The following NMD3 variants were observed in gnomAD, a reference collection of about 807,000 sequenced individuals.
NMD3 encodes NMD3 ribosome export adaptor.
NMD3 carries 47 observed loss-of-function variants against 73.1 expected under a neutral mutation model. That is an observed-to-expected ratio of 0.64 (90% CI 0.51 to 0.82). The LOEUF is 0.82. Among genes scored for constraint, NMD3 ranks in the 40% least tolerant of loss-of-function variants. The pLI, the probability that NMD3 is intolerant of heterozygous loss-of-function variation, is 0.00. For synonymous variants in NMD3, 210 were observed against 194.5 expected, an observed-to-expected ratio of 1.08 and a Z score of -0.66; for missense variants, 554 against 612.5, an observed-to-expected ratio of 0.90 and a Z score of 1.01.
intron 5 of NMD3, among the ~76,000 whole-genome samples, chr3:161,233,753 C>A (rs1736630890): frequency 6.6e-6 from 1 of 152,182 alleles, no homozygotes; most frequent in Non-Finnish European, 1.5e-5. Flanking sequence ...TCAAACTTGG[C>A]TGATCATTGT....
intron 3 of NMD3, among the ~76,000 whole-genome samples, chr3:161,225,593 T>G (rs2108074718): frequency 6.6e-6 from 1 of 152,340 alleles, no homozygotes; most frequent in African/African-American, 2.4e-5. Flanking sequence ...TTCTGAATGT[T>G]AATGTTTCAT....
rs546103707 is a variant in NMD3 at position 161,221,317 on chromosome 3, G to A, written c.-113G>A. ...ATTTCGCTCGCGAGATCTTCTCTGT[G>A]GCGGAGACAGCCAGGTTGGCAGCTG... On this transcript the variant is annotated 5_prime_UTR_variant, in exon 1 of 16. Coordinates refer to ENST00000351193, the MANE Select transcript of NMD3 (RefSeq NM_015938.5). 2.6e-5 allele frequency: 4 copies of A among 152,506 alleles called. No homozygotes were observed. Among genetic ancestry groups the A allele is most frequent in the African/African-American group, 9.6e-5 (4 of 41,590 alleles). 9.4% of individuals were successfully genotyped at this position (152,506 alleles called of 1,614,324 possible).
At chr3:161,235,706 C>T (rs1736730155) in intron 7 of NMD3, among the ~76,000 whole-genome samples, 1 of 152,088 alleles carries the variant, frequency 6.6e-6, no homozygotes, top group Non-Finnish European at 1.5e-5. Flanking sequence ...GACGTCTTTT[C>T]AGTTTCTTTT....
chr3:161,242,453 G>C lies in NMD3; in HGVS notation c.872-55G>C, dbSNP rs1737025279. 18 of 1,506,058 alleles carry C rather than the reference G, an allele frequency of 1.2e-5. No homozygotes were observed. The Admixed American group carries it at 3.1e-4, about 26-fold the overall frequency. The allele number at this position is 1,506,058 out of a possible 1,614,324, so 93.3% of individuals were successfully genotyped here. ...CAGTTTATTCTTAGTTAATACATTT[G>C]ATAATTGAAATATATAATTTTTCTT... On this transcript the variant is annotated intron_variant, in intron 10 of 15. Coordinates refer to ENST00000351193, the MANE Select transcript of NMD3 (RefSeq NM_015938.5).
In NMD3 at chr3:161,242,541, A is replaced by G; in HGVS notation, c.905A>G (p.His302Arg). Residue 302 changes from histidine (H) to arginine (R), a missense_variant, in exon 11 of 16, where the codon CAC becomes CGC. Transcript: ENST00000351193. ...ATTGATGGGAGCACTTTCTGGAGTC[A>G]CCCTTTCAATAGTTTATGTCATCCC... The part of the protein sequence containing the change: ...ADIDGSTFWS[H>R]PFNSLCHPKQ... 6.2e-7 allele frequency: 1 copy of G among 1,613,454 alleles called. No individual in the cohort carries two copies. The highest frequency in any genetic ancestry group is 8.5e-7 in the Non-Finnish European group (1 of 1,179,584).
intron 11 of NMD3, among the ~76,000 whole-genome samples, chr3:161,243,829 CATAGTG>C (rs1238107895): frequency 6.7e-6 from 1 of 149,450 alleles, no homozygotes; most frequent in East Asian, 2.0e-4. Flanking sequence ...CACTTGTTAA[CATAGTG>C]ATAGTCAGAT....
At position 161,238,773 on chromosome 3, in the gene NMD3, A is replaced by T; in HGVS notation, c.700A>T (p.Asn234Tyr). 1 of 1,579,178 alleles carries T rather than the reference A, an allele frequency of 6.3e-7. No individual in the cohort carries two copies. Among genetic ancestry groups the T allele is most frequent in the Non-Finnish European group, 8.6e-7 (1 of 1,158,386 alleles). Reference protein sequence around the residue: ...QRLISQDIHSNTYNYKSTFSV... With the variant: ...QRLISQDIHSYTYNYKSTFSV... ...ACTGATCTCTCAAGATATCCATAGT[A>T]ACACATACAATTACAAAAGCACTTT... The change falls in exon 9 of 16, where the codon AAC becomes TAC. Residue 234 changes from asparagine (N) to tyrosine (Y), a missense_variant. Asn to Tyr is a moderately radical substitution (Grantham distance 143, BLOSUM62 -2). Coordinates refer to ENST00000351193, the MANE Select transcript of NMD3 (RefSeq NM_015938.5).
downstream of NMD3, chr3:161,253,513 A>C (rs547742570): frequency 6.6e-6 from 1 of 152,212 alleles, no homozygotes; most frequent in African/African-American, 2.4e-5. Flanking sequence ...TCAACATTTA[A>C]GAGTAAAATG....
intron 15 of NMD3, 80 bp downstream of exon 15, chr3:161,250,406 C>T (rs1054037886): frequency 1.8e-5 from 14 of 797,550 alleles, no homozygotes; most frequent in Non-Finnish European, 2.8e-5. Flanking sequence ...GTATCTTAAG[C>T]TTTGATTCTC....
chr3:161,246,048 T>A (rs1737188511), intron 11 of NMD3, among the ~76,000 whole-genome samples: 2 of 152,244 alleles, frequency 1.3e-5, no homozygotes, highest in Middle Eastern at 6.8e-3. Flanking sequence ...TTTTGAAAAT[T>A]CTACATATAT....
At chr3:161,238,325 ATATTGGGTTAAC>A in intron 8 of NMD3, 134 bp downstream of exon 8, 2 of 663,558 alleles carry the variant, frequency 3.0e-6, no homozygotes, top group South Asian at 4.1e-5. Flanking sequence ...CAGGAAGCAT[ATATTGGGTTAAC>A]CACCCACTCA....
At chr3:161,247,234 A>C (rs1737249804) in intron 12 of NMD3, 24 bp from the exon 13 acceptor site, 1 of 1,539,636 alleles carries the variant, frequency 6.5e-7, no homozygotes. Flanking sequence ...ATGGTCACTA[A>C]GTTTTTCATT....
downstream of NMD3, chr3:161,252,954 C>T (rs973105778): frequency 8.2e-6 from 4 of 489,814 alleles, no homozygotes; most frequent in Non-Finnish European, 1.5e-5. Flanking sequence ...CAAAAATTAT[C>T]CGGGCGTGGT....
At position 161,238,113 on chromosome 3, in the gene NMD3, A is replaced by G. The variant is rs1304670909; in HGVS notation, c.578A>G (p.Asp193Gly). 2.3e-5 allele frequency: 35 copies of G among 1,511,442 alleles called. No homozygotes were observed. The highest frequency in any genetic ancestry group is 3.1e-5 in the Non-Finnish European group (35 of 1,114,296). 93.6% of individuals were successfully genotyped at this position (1,511,442 alleles called of 1,614,324 possible). ...QNTLRIKEIH[D>G]GLDFYYSSKQ... ...ATAGGGCTTTTTTTTTTTTTTTAAG[A>G]TGGTCTGGATTTTTATTATTCCTCA... The change falls in exon 8 of 16, where the codon GAT becomes GGT. Residue 193 changes from aspartate (D) to glycine (G), a missense_variant and splice_region_variant. Coordinates refer to ENST00000351193, the MANE Select transcript of NMD3 (RefSeq NM_015938.5).
At chr3:161,226,326 C>T (rs1036523067) in intron 3 of NMD3, among the ~76,000 whole-genome samples, 3 of 151,534 alleles carry the variant, frequency 2.0e-5, no homozygotes, top group African/African-American at 7.3e-5. Context: ...TGGTGGGGCA[C>T]GCATGTAATC....
Position 161,234,760 on chromosome 3 carries a change from G to A in NMD3, c.391G>A (p.Val131Met). The change falls in exon 6 of 16, where the codon GTG becomes ATG. Residue 131 changes from valine (V) to methionine (M), a missense_variant. Physicochemically the swap from Val to Met is conservative, Grantham distance 21. Transcript: ENST00000351193. ...TGGTGCTATCCTTCAACAAGTGTTTGTGGTGGATTATGTTGTTCAGTCCCA... is the reference window on the plus strand; with the variant it reads ...TGGTGCTATCCTTCAACAAGTGTTTATGGTGGATTATGTTGTTCAGTCCCA... The part of the protein sequence containing the change: ...MNGAILQQVF[V>M]VDYVVQSQMC... The A allele has an allele frequency of 6.2e-7, 1 of 1,612,770 alleles. No individual in the cohort carries two copies. Among genetic ancestry groups the A allele is most frequent in the South Asian group, 1.1e-5 (1 of 91,046 alleles).
In NMD3 at chr3:161,224,953, C is replaced by G. The variant is rs551961167; in HGVS notation, c.68C>G (p.Pro23Arg). The G allele has an allele frequency of 5.6e-6, 9 of 1,612,006 alleles. No individual in the cohort carries two copies. The highest frequency in any genetic ancestry group is 7.6e-6 in the Non-Finnish European group (9 of 1,179,206). ...GHILCCECGV[P>R]ISPNPANICV... The stretch of plus-strand genomic sequence containing the variant: ...AGCTTGTGCTGTGAGTGTGGTGTTC[C>G]GATAAGTCCAAATCCTGCCAATATT... The change falls in exon 3 of 16, where the codon CCG becomes CGG. Residue 23 changes from proline to arginine, a missense_variant. By Grantham distance (103) the Pro-to-Arg change is moderately radical. Coordinates refer to ENST00000351193, the MANE Select transcript of NMD3 (RefSeq NM_015938.5).
chr3:161,227,262 A>G lies in NMD3; in HGVS notation c.195A>G (p.Pro65=), dbSNP rs781086065. The G allele has an allele frequency of 5.0e-6, 8 of 1,605,298 alleles. No individual in the cohort carries two copies. The South Asian group carries it at 5.6e-5, about 11-fold the overall frequency. ...CKQCQRYFQP[P]GTWIQCALES... is the part of the protein sequence containing the mutation. ...TCTCTTTTAGGTATTTTCAACCACCAGGAACTTGGATACAGTGTGCTTTAG... is the reference window on the plus strand; with the variant it reads ...TCTCTTTTAGGTATTTTCAACCACCGGGAACTTGGATACAGTGTGCTTTAG... The change falls in exon 4 of 16, where the codon CCA becomes CCG. Residue 65 remains proline, a synonymous_variant. Transcript: ENST00000351193.
intron 11 of NMD3, among the ~76,000 whole-genome samples, chr3:161,246,013 G>C (rs547828953): frequency 1.9e-4 from 29 of 152,018 alleles, no homozygotes; most frequent in Admixed American, 5.2e-4. Flanking sequence ...GCCTATGTTG[G>C]CCCATCTTCC....
Sources: allele counts gnomAD v4.1 joint callset (sites outside exome capture counted in the v4.1 genomes callset), GRCh38; gene constraint gnomAD v4.1.1; transcripts MANE v1.5; gene names NCBI Gene and HGNC (gene_info 2026-07-23, HGNC 2026-07-21).